RBFOX1: variants seen among roughly 807,000 people sequenced by gnomAD.
RBFOX1 encodes RNA binding protein fox-1 homolog 1.
In RBFOX1, 8 loss-of-function variants were observed where a neutral mutation model predicts 57.7. That is an observed-to-expected ratio of 0.14 (90% CI 0.08 to 0.25). The LOEUF (loss-of-function observed/expected upper bound fraction) is 0.25. Ranked by LOEUF, RBFOX1 falls within the 10% of genes least tolerant of loss-of-function variation. RBFOX1 has a pLI of 1.00. For missense variants in RBFOX1, 611 were observed against 548.5 expected, an observed-to-expected ratio of 1.11 and a Z score of -1.14; for synonymous variants, 326 against 222.4, an observed-to-expected ratio of 1.47 and a Z score of -4.15.
At chr16:7,425,768 C>A (rs1278386998) in intron 4 of RBFOX1, among the ~76,000 whole-genome samples, 1 of 152,196 alleles carries the variant, frequency 6.6e-6, no homozygotes, top group Non-Finnish European at 1.5e-5. Context: ...CTCCCTTGAA[C>A]TGGGGAGAGA....
chr16:6,446,211 C>T (rs1283680406), intron 2 of RBFOX1, among the ~76,000 whole-genome samples: 1 of 151,878 alleles, frequency 6.6e-6, no homozygotes, highest in African/African-American at 2.4e-5. Flanking sequence ...GTCATGTTGC[C>T]CAGGCTGGTC....
intron 4 of RBFOX1, among the ~76,000 whole-genome samples, chr16:7,477,025 C>T (rs2062863653): frequency 6.6e-6 from 1 of 152,294 alleles, no homozygotes; most frequent in Non-Finnish European, 1.5e-5. Context: ...CTAACACTTG[C>T]TGTCAGGCTG....
chr16:5,605,160 T>C (rs2047524681), intron 3 of RBFOX1, among the ~76,000 whole-genome samples: 1 of 152,220 alleles, frequency 6.6e-6, no homozygotes, highest in South Asian at 2.1e-4. Flanking sequence ...TTCCCTGTTT[T>C]ACCCTCCAAG....
chr16:7,038,684 G>A (rs980405859), intron 3 of RBFOX1, among the ~76,000 whole-genome samples: 4 of 152,164 alleles, frequency 2.6e-5, no homozygotes, highest in Non-Finnish European at 5.9e-5. Context: ...CTGCATTCTT[G>A]CAGAAAGCAG....
chr16:6,971,849 G>A (rs906175154), intron 3 of RBFOX1, among the ~76,000 whole-genome samples: 4 of 152,094 alleles, frequency 2.6e-5, no homozygotes, highest in Non-Finnish European at 5.9e-5. Flanking sequence ...GTGTCTGATG[G>A]AAGAGTCTAA....
chr16:5,547,219 C>T (rs1164731305), intron 2 of RBFOX1, among the ~76,000 whole-genome samples: 1 of 152,148 alleles, frequency 6.6e-6, no homozygotes, highest in African/African-American at 2.4e-5. Context: ...CAACATGCAC[C>T]TGTCATGTCA....
At chr16:6,337,551 T>A (rs1421691557) in intron 2 of RBFOX1, among the ~76,000 whole-genome samples, 11 of 152,210 alleles carry the variant, frequency 7.2e-5, no homozygotes, top group Admixed American at 7.2e-4. Flanking sequence ...AGTCTCTCAA[T>A]TGTACACCTG....
chr16:7,684,339 G>T (rs2075585051), intron 14 of RBFOX1, among the ~76,000 whole-genome samples: 1 of 152,032 alleles, frequency 6.6e-6, no homozygotes, highest in South Asian at 2.1e-4. Flanking sequence ...GCCACTATTG[G>T]AATTTGAGGG....
At chr16:7,198,764 T>G (rs993129698) in intron 4 of RBFOX1, among the ~76,000 whole-genome samples, 1 of 152,200 alleles carries the variant, frequency 6.6e-6, no homozygotes, top group African/African-American at 2.4e-5. Flanking sequence ...CGTAATCTAA[T>G]CACCTCTTAC....
At chr16:6,935,955 C>T (rs564331529) in intron 3 of RBFOX1, among the ~76,000 whole-genome samples, 8 of 152,186 alleles carry the variant, frequency 5.3e-5, no homozygotes, top group Non-Finnish European at 1.0e-4. Context: ...GTGAATATGT[C>T]TGCTTTGCTT....
chr16:5,454,851 T>C, intron 1 of RBFOX1, among the ~76,000 whole-genome samples: 1 of 101,416 alleles, frequency 9.9e-6, no homozygotes, highest in Non-Finnish European at 2.0e-5. Context: ...CTTTCTTTCT[T>C]TCTTTTCTTT....
chr16:7,013,770 A>T (rs1209160319), intron 3 of RBFOX1, among the ~76,000 whole-genome samples: 2 of 151,894 alleles, frequency 1.3e-5, no homozygotes, highest in Non-Finnish European at 2.9e-5. Flanking sequence ...CAATCCTCTT[A>T]TCTTAGCCTC....
chr16:5,303,995 A>C (rs56295522), intron 1 of RBFOX1, among the ~76,000 whole-genome samples: 10,622 of 152,240 alleles, frequency 0.07, 412 homozygotes, highest in Middle Eastern at 0.14. Flanking sequence ...GTTTTTTTAA[A>C]GATCTAATAT....
intron 1 of RBFOX1, among the ~76,000 whole-genome samples, chr16:6,022,603 G>T (rs1431039640): frequency 6.6e-6 from 1 of 152,094 alleles, no homozygotes; most frequent in Non-Finnish European, 1.5e-5. Flanking sequence ...AATCACCTGA[G>T]CCTGAGAAGG....
intron 3 of RBFOX1, among the ~76,000 whole-genome samples, chr16:6,862,873 T>A (rs1483562382): frequency 6.7e-6 from 1 of 149,570 alleles, no homozygotes; most frequent in Admixed American, 6.7e-5. Context: ...TAATCCCAGC[T>A]ACTCAGGAGG....
intron 4 of RBFOX1, among the ~76,000 whole-genome samples, chr16:7,117,322 T>G (rs1016084346): frequency 1.3e-5 from 2 of 152,184 alleles, no homozygotes; most frequent in African/African-American, 4.8e-5. Flanking sequence ...ATACTTTTGA[T>G]TCGGTGGTAA....
intron 4 of RBFOX1, among the ~76,000 whole-genome samples, chr16:7,253,238 A>G (rs928446731): frequency 6.6e-6 from 1 of 152,158 alleles, no homozygotes; most frequent in Non-Finnish European, 1.5e-5. Context: ...TTCACCATTC[A>G]CAGGTATTCT....
At chr16:6,198,938 G>A (rs1399712281) in intron 1 of RBFOX1, among the ~76,000 whole-genome samples, 2 of 151,402 alleles carry the variant, frequency 1.3e-5, no homozygotes, top group African/African-American at 2.4e-5. Context: ...TTATCATTAT[G>A]TTTTCCAGGC....
At chr16:7,008,234 CT>C (rs771871574) in intron 3 of RBFOX1, among the ~76,000 whole-genome samples, 1 of 152,036 alleles carries the variant, frequency 6.6e-6, no homozygotes, top group Non-Finnish European at 1.5e-5. Context: ...GAATGAATAG[CT>C]TAAAGTATTA....
Sources: gnomAD v4.1 joint callset for allele counts (sites outside exome capture counted in the v4.1 genomes callset) on GRCh38, gnomAD v4.1.1 for gene constraint, MANE v1.5 for transcripts, NCBI Gene and HGNC (gene_info 2026-07-23, HGNC 2026-07-21) for gene names.